The following MALRD1 variants were observed in gnomAD, a reference collection of about 807,000 sequenced individuals.
MALRD1 encodes MAM and LDL receptor class A domain containing 1, also known as MAM and LDL-receptor class A domain-containing protein 1.
MALRD1 carries 247 observed loss-of-function variants against 242.1 expected under a neutral mutation model. That is an observed-to-expected ratio of 1.02 (90% CI 0.92 to 1.13). MALRD1 has a LOEUF of 1.13. MALRD1 is among the 50% of genes most tolerant of loss of function. MALRD1 has a pLI of 0.00. For missense variants in MALRD1, 2,989 were observed against 2,533.1 expected (o/e 1.18, Z -3.86); for synonymous variants, 995 against 866.6 (o/e 1.15, Z -2.60).
chr10:19,489,125 AAGG>A, intron 29 of MALRD1: 2 of 465,426 alleles, frequency 4.3e-6, no homozygotes, highest in South Asian at 3.1e-5. Context: ...AGCTCTGCTG[AAGG>A]GGCCGCCACA....
chr10:19,641,327 C>A (rs553344571), intron 36 of MALRD1, among the ~76,000 whole-genome samples: 1 of 152,160 alleles, frequency 6.6e-6, no homozygotes, highest in South Asian at 2.1e-4. Context: ...ATATGTACAC[C>A]ACTCATTGCC....
chr10:19,234,867 G>A (rs529926051), intron 18 of MALRD1, among the ~76,000 whole-genome samples: 10 of 152,284 alleles, frequency 6.6e-5, no homozygotes, highest in African/African-American at 4.8e-5. Context: ...AGGTGTCACG[G>A]AAGGTGTTGT....
At chr10:19,083,724 T>C (rs930271515) in intron 2 of MALRD1, among the ~76,000 whole-genome samples, 1 of 151,982 alleles carries the variant, frequency 6.6e-6, no homozygotes, top group African/African-American at 2.4e-5. Flanking sequence ...TTCACATGAA[T>C]GCAAGCTGCT....
rs191664759 is a variant in MALRD1, at chr10:19,681,583, T to C, written c.6138-10699T>C. On this transcript the variant is annotated intron_variant, in intron 36 of 39. Coordinates refer to ENST00000454679, the MANE Select transcript of MALRD1 (RefSeq NM_001142308.3). ...TAATGTTTTATCATGGTTCTTAGCT[T>C]CTTTGCATTGGGTTAGAACATGCTC... Among the ~76,000 whole-genome samples the C allele has an allele frequency of 1.2e-3, 185 of 152,212 alleles. 1 individual carries two copies. The highest frequency in any genetic ancestry group is 4.2e-3 in the African/African-American group (176 of 41,540).
chr10:19,352,214 C>T lies in MALRD1; in HGVS notation c.4358C>T (p.Ala1453Val). 1 of 1,550,380 alleles carries T rather than the reference C, an allele frequency of 6.5e-7. No homozygotes were observed. ...GGGAAAGGTCAGCGTGGAGACATTG[C>T]ACTTGATGACATTGTGCTTACAGAA... ...RVGKGQRGDI[A>V]LDDIVLTENC... The change falls in exon 26 of 40, where the codon GCA becomes GTA. Residue 1453 changes from alanine (A) to valine (V), a missense_variant. Physicochemically the swap from Ala to Val is moderately conservative, Grantham distance 64. Coordinates refer to ENST00000454679, the MANE Select transcript of MALRD1 (RefSeq NM_001142308.3).
At chr10:19,354,390 CTTTAATA>C (rs1210919698) in intron 26 of MALRD1, among the ~76,000 whole-genome samples, 1 of 152,042 alleles carries the variant, frequency 6.6e-6, no homozygotes, top group African/African-American at 2.4e-5. Flanking sequence ...CCTTGAATAA[CTTTAATA>C]TTGAGTAGGA....
intron 26 of MALRD1, among the ~76,000 whole-genome samples, chr10:19,375,610 T>C (rs1477306771): frequency 6.6e-6 from 1 of 152,174 alleles, no homozygotes; most frequent in African/African-American, 2.4e-5. Context: ...TTTCTAAAGA[T>C]ACACTGATTA....
At chr10:19,432,046 A>G (rs943441224) in intron 28 of MALRD1, among the ~76,000 whole-genome samples, 3 of 152,200 alleles carry the variant, frequency 2.0e-5, no homozygotes, top group Admixed American at 2.0e-4. Context: ...AGTGAAAATC[A>G]GCCATCAACC....
chr10:19,051,948 A>AAAC (rs1834517694), intron 1 of MALRD1: 27 of 169,788 alleles, frequency 1.6e-4, no homozygotes, highest in South Asian at 4.7e-4. Context: ...AAAAAAAAAA[A>AAAC]AAAAGGAAAG....
intron 9 of MALRD1, among the ~76,000 whole-genome samples, chr10:19,136,155 T>C (rs1365232528): frequency 6.6e-6 from 1 of 151,868 alleles, no homozygotes; most frequent in Admixed American, 6.6e-5. Flanking sequence ...TTACAGCTCT[T>C]GTTCTATAAG....
At chr10:19,470,881 G>T (rs987836809) in intron 29 of MALRD1, among the ~76,000 whole-genome samples, 1 of 151,392 alleles carries the variant, frequency 6.6e-6, no homozygotes, top group African/African-American at 2.4e-5. Context: ...TTCTTGGGTC[G>T]CGTAGGCTGC....
chr10:19,125,156 G>C (rs989933417), intron 7 of MALRD1, among the ~76,000 whole-genome samples: 3 of 151,572 alleles, frequency 2.0e-5, no homozygotes, highest in Admixed American at 2.0e-4. Context: ...ATGTTGGCCA[G>C]GCTGGTATCA....
intron 18 of MALRD1, among the ~76,000 whole-genome samples, chr10:19,238,468 A>ACATT (rs373763200): frequency 0.025 from 939 of 37,790 alleles, 75 homozygotes; most frequent in African/African-American, 0.11. Flanking sequence ...TATATAATAT[A>ACATT]ATATATAATA....
At chr10:19,469,389 A>G (rs12358000) in intron 29 of MALRD1, among the ~76,000 whole-genome samples, 7,596 of 152,120 alleles carry the variant, frequency 0.05, 250 homozygotes, top group Middle Eastern at 0.082. Flanking sequence ...AGCTGATTGT[A>G]TTGCTAAATA....
chr10:19,495,322 A>G (rs1234216193), intron 30 of MALRD1, among the ~76,000 whole-genome samples: 1 of 152,066 alleles, frequency 6.6e-6, no homozygotes, highest in East Asian at 1.9e-4. Context: ...AAAAAGGTTA[A>G]AGATAGCTAA....
chr10:19,095,658 C>T (rs1403421241), intron 4 of MALRD1, among the ~76,000 whole-genome samples: 1 of 152,044 alleles, frequency 6.6e-6, no homozygotes, highest in Non-Finnish European at 1.5e-5. Context: ...TGTCCCTGGG[C>T]CCTGAAGACG....
intron 19 of MALRD1, among the ~76,000 whole-genome samples, chr10:19,260,869 C>G (rs1839714846): frequency 6.6e-6 from 1 of 152,110 alleles, no homozygotes; most frequent in Non-Finnish European, 1.5e-5. Flanking sequence ...TGTTATAGGG[C>G]TCATCAAACA....
At chr10:19,275,601 G>C (rs530014578) in intron 19 of MALRD1, among the ~76,000 whole-genome samples, 1 of 152,066 alleles carries the variant, frequency 6.6e-6, no homozygotes, top group African/African-American at 2.4e-5. Context: ...CCCGGGAGGC[G>C]GAGCTTGCAG....
At chr10:19,140,666 A>C (rs1833508878) in intron 10 of MALRD1, among the ~76,000 whole-genome samples, 1 of 152,112 alleles carries the variant, frequency 6.6e-6, no homozygotes, top group African/African-American at 2.4e-5. Context: ...GGAGGGGATT[A>C]TGCAAAGTGA....
Sources: gnomAD v4.1 joint callset for allele counts (sites outside exome capture counted in the v4.1 genomes callset) on GRCh38, gnomAD v4.1.1 for gene constraint, MANE v1.5 for transcripts, NCBI Gene and HGNC (gene_info 2026-07-23, HGNC 2026-07-21) for gene names.